The following FAM227B variants were observed in gnomAD, a reference collection of about 807,000 sequenced individuals.
The protein encoded by FAM227B is family with sequence similarity 227 member B.
Under a neutral mutation model 73.8 loss-of-function variants are expected in FAM227B, and 88 were observed. That is an observed-to-expected ratio of 1.19 (90% CI 1.00 to 1.42). The LOEUF is 1.42. FAM227B is among the 40% of genes most tolerant of loss of function. The pLI, the probability that FAM227B is intolerant of heterozygous loss-of-function variation, is 0.00. For synonymous variants in FAM227B, 210 were observed against 190.5 expected (o/e 1.10, Z -0.84); for missense variants, 632 against 590.9 (o/e 1.07, Z -0.72).
Position 49,422,163 on chromosome 15 carries a change from TGCGCGCGCGCGC to T in FAM227B, c.1013-50776_1013-50765del, listed in dbSNP as rs5812485. Among the ~76,000 whole-genome samples the T allele has an allele frequency of 2.0e-5, 3 of 147,614 alleles. No individual in the cohort carries two copies. The South Asian group carries it at 6.8e-4, about 33-fold the overall frequency. ...GAGAGAGAGTGTGTGTGTGTGTGTG[TGCGCGCGCGCGC>T]GCGTGCACGCGTGTGTGTTTTGAGG... On this transcript the variant is annotated intron_variant, in intron 11 of 15. Transcript: ENST00000299338.
chr15:49,536,367 GGTAAAAA>G (rs1471529140), intron 10 of FAM227B, among the ~76,000 whole-genome samples: 1 of 151,624 alleles, frequency 6.6e-6, no homozygotes, highest in Non-Finnish European at 1.5e-5. Flanking sequence ...TAACTAAGGA[GGTAAAAA>G]GTCTGCAGAC....
intron 11 of FAM227B, among the ~76,000 whole-genome samples, chr15:49,479,717 G>A (rs1311581074): frequency 7.1e-6 from 1 of 140,396 alleles, no homozygotes; most frequent in East Asian, 2.3e-4. Context: ...AGGTTCAAAT[G>A]ATTCTCCTGA....
intron 13 of FAM227B, among the ~76,000 whole-genome samples, chr15:49,351,046 G>T (rs949918082): frequency 6.6e-6 from 1 of 152,210 alleles, no homozygotes; most frequent in East Asian, 1.9e-4. Flanking sequence ...TCAACCATAC[G>T]CTGTGGTTTG....
intron 11 of FAM227B, among the ~76,000 whole-genome samples, chr15:49,453,235 C>A (rs77311436): frequency 0.018 from 2,807 of 151,942 alleles, 81 homozygotes; most frequent in African/African-American, 0.065. Context: ...CATTTCAACA[C>A]ATAATCAGTA....
chr15:49,596,779 G>A (rs1252443483), intron 3 of FAM227B, among the ~76,000 whole-genome samples: 1 of 151,898 alleles, frequency 6.6e-6, no homozygotes, highest in Non-Finnish European at 1.5e-5. Flanking sequence ...GGTGGAAAAT[G>A]ATATTCCATG....
chr15:49,577,898 T>C (rs1041703658), intron 5 of FAM227B, among the ~76,000 whole-genome samples: 9 of 152,164 alleles, frequency 5.9e-5, no homozygotes, highest in African/African-American at 9.7e-5. Flanking sequence ...ACAAAACAAA[T>C]AGATATAAGG....
At position 49,385,931 on chromosome 15, in the gene FAM227B, C is replaced by A. The variant is rs189100811; in HGVS notation, c.1013-14532G>T. Among the ~76,000 whole-genome samples, 281 of 151,898 alleles carry A rather than the reference C, an allele frequency of 1.8e-3. 1 individual carries two copies. The highest frequency in any genetic ancestry group is 3.2e-3 in the Non-Finnish European group (215 of 67,746). ...GTCCCTATTATATTGATAAAAGGATCAATTCAACAAGAAGAGATTACAATC... is the reference window on the plus strand; with the variant it reads ...GTCCCTATTATATTGATAAAAGGATAAATTCAACAAGAAGAGATTACAATC... On this transcript the variant is annotated intron_variant, in intron 11 of 15. Transcript: ENST00000299338.
chr15:49,413,857 T>C (rs1157134723), intron 11 of FAM227B, among the ~76,000 whole-genome samples: 1 of 151,316 alleles, frequency 6.6e-6, no homozygotes, highest in Non-Finnish European at 1.5e-5. Context: ...GTTACCTTTA[T>C]CTAGAATGCT....
At chr15:49,406,894 T>C (rs1363872960) in intron 11 of FAM227B, among the ~76,000 whole-genome samples, 1 of 152,058 alleles carries the variant, frequency 6.6e-6, no homozygotes, top group Non-Finnish European at 1.5e-5. Context: ...CAGTCAAGCA[T>C]GATCCACCAG....
At chr15:49,449,792 A>AT (rs375388924) in intron 11 of FAM227B, among the ~76,000 whole-genome samples, 39 of 79,916 alleles carry the variant, frequency 4.9e-4, no homozygotes, top group African/African-American at 9.5e-4. Context: ...CTTCATCCCA[A>AT]TATCATAGTC....
rs558489043 is a variant in FAM227B at position 49,592,373 on chromosome 15, T to A, written c.106-2366A>T. Among the ~76,000 whole-genome samples, 63 of 152,370 alleles carry A rather than the reference T, an allele frequency of 4.1e-4. No individual in the cohort carries two copies. In the Middle Eastern group the frequency reaches 0.017, roughly 41 times the overall value. ...TTGGTGTGGATGTCCTTTTTGTGGA[T>A]GTTGATGCTATTCCTTTCTGTTTCA... On this transcript the variant is annotated intron_variant, in intron 3 of 15. Transcript: ENST00000299338.
At chr15:49,427,239 TAAC>T (rs931957786) in intron 11 of FAM227B, among the ~76,000 whole-genome samples, 1 of 152,008 alleles carries the variant, frequency 6.6e-6, no homozygotes, top group African/African-American at 2.4e-5. Context: ...TTGTTTAAAA[TAAC>T]AAGAATGGAA....
At position 49,376,813 on chromosome 15, in the gene FAM227B, CCTTAT is replaced by C. The variant is rs577160616; in HGVS notation, c.1013-5419_1013-5415del. Among the ~76,000 whole-genome samples, 12 of 151,996 alleles carry C rather than the reference CCTTAT, an allele frequency of 7.9e-5. No homozygotes were observed. The South Asian group carries it at 2.5e-3, about 32-fold the overall frequency. On this transcript the variant is annotated intron_variant, in intron 11 of 15. Coordinates refer to ENST00000299338, the MANE Select transcript of FAM227B (RefSeq NM_152647.3). ...TGGTTTGTAATTTTCAGTGGATAAG[CCTTAT>C]CTTATCCACTTTTGCTAATCTATTC...
chr15:49,537,047 A>G (rs778752971), intron 10 of FAM227B, among the ~76,000 whole-genome samples: 1 of 152,142 alleles, frequency 6.6e-6, no homozygotes, highest in Non-Finnish European at 1.5e-5. Context: ...CTTGGGCTAC[A>G]ATAGCAAAAA....
intron 5 of FAM227B, among the ~76,000 whole-genome samples, chr15:49,586,646 A>G (rs1242978511): frequency 6.6e-6 from 1 of 152,228 alleles, no homozygotes; most frequent in Non-Finnish European, 1.5e-5. Context: ...CGCATCTTAC[A>G]AAGGTCTAAT....
intron 3 of FAM227B, among the ~76,000 whole-genome samples, chr15:49,609,960 A>G (rs545291139): frequency 1.3e-5 from 2 of 152,044 alleles, no homozygotes; most frequent in East Asian, 3.9e-4. Context: ...ACAAATATAA[A>G]TATATCCTTT....
At chr15:49,416,871 T>G (rs2151712174) in intron 11 of FAM227B, among the ~76,000 whole-genome samples, 1 of 151,970 alleles carries the variant, frequency 6.6e-6, no homozygotes, top group East Asian at 1.9e-4. Flanking sequence ...TATAAAACAT[T>G]GCTCAAAGAA....
At chr15:49,576,042 C>T (rs891691249) in intron 7 of FAM227B, 4 of 152,138 alleles carry the variant, frequency 2.6e-5, no homozygotes, top group Admixed American at 6.5e-5. Flanking sequence ...CATATAAACT[C>T]TCATGGCAAG....
intron 11 of FAM227B, chr15:49,483,059 C>T (rs1275114413): frequency 1.9e-5 from 15 of 785,902 alleles, no homozygotes; most frequent in Admixed American, 1.4e-4. Context: ...TAAAAACTTC[C>T]GATTAAAACA....
Sources: allele counts gnomAD v4.1 joint callset (sites outside exome capture counted in the v4.1 genomes callset), GRCh38; gene constraint gnomAD v4.1.1; transcripts MANE v1.5; gene names NCBI Gene and HGNC (gene_info 2026-07-23, HGNC 2026-07-21).